Variants in FRMD8 observed in about 807,000 individuals in gnomAD.
FRMD8 encodes the protein FERM domain containing 8.
Under a neutral mutation model 54.2 loss-of-function variants are expected in FRMD8, and 37 were observed. The observed-to-expected ratio is 0.68, with a 90% CI of 0.53 to 0.90. The LOEUF is 0.90. Among genes scored for constraint, FRMD8 ranks in the 40% least tolerant of loss-of-function variants. The pLI, the probability that FRMD8 is intolerant of heterozygous loss-of-function variation, is 0.00. For missense variants in FRMD8, 585 were observed against 653.7 expected, an observed-to-expected ratio of 0.89 and a Z score of 1.15; for synonymous variants, 246 against 286.9, an observed-to-expected ratio of 0.86 and a Z score of 1.44.
chr11:65,393,607 G>A lies in FRMD8; in HGVS notation c.288G>A (p.Lys96=), dbSNP rs1374378196. 6.2e-7 allele frequency: 1 copy of A among 1,608,970 alleles called. No homozygotes were observed. Among genetic ancestry groups the A allele is most frequent in the Non-Finnish European group, 8.5e-7 (1 of 1,179,972 alleles). ...TGAAACCCAAGCACCAGCCCTACAA[G>A]CTGGGACGCCAGTGGCCGGAGCTGC... The part of the protein sequence containing the change: ...VQLKPKHQPY[K]LGRQWPELLL... The change falls in exon 4 of 11, where the codon AAG becomes AAA. Residue 96 remains lysine (K), a synonymous_variant. Coordinates refer to ENST00000317568, the MANE Select transcript of FRMD8 (RefSeq NM_031904.5).
Position 65,405,021 on chromosome 11 carries a change from T to C in FRMD8, c.1229T>C (p.Val410Ala). 6.2e-7 allele frequency: 1 copy of C among 1,613,364 alleles called. No homozygotes were observed. Among genetic ancestry groups the C allele is most frequent in the South Asian group, 1.1e-5 (1 of 91,088 alleles). ...RPKLRRQGSV[V>A]SSRIQHLSTI... ...AAGCTGCGGAGGCAGGGCAGTGTGGTGTCCAGCCGGATCCAGCATCTCTCC... is the reference window on the plus strand; with the variant it reads ...AAGCTGCGGAGGCAGGGCAGTGTGGCGTCCAGCCGGATCCAGCATCTCTCC... The change falls in exon 10 of 11, where the codon GTG (valine) becomes GCG (alanine). Residue 410 changes from valine to alanine, a missense_variant. By Grantham distance (64) the Val-to-Ala change is moderately conservative. Transcript: ENST00000317568.
the FRMD8 span, chr11:65,379,423 TG>T: frequency 6.2e-7 from 1 of 1,612,790 alleles, no homozygotes; most frequent in Non-Finnish European, 8.5e-7. Context: ...TGCATGTAGC[TG>T]GGCGGCTGGG....
At chr11:65,388,229 GGGA>G (rs1286178526) in intron 2 of FRMD8, among the ~76,000 whole-genome samples, 1 of 151,890 alleles carries the variant, frequency 6.6e-6, no homozygotes, top group Non-Finnish European at 1.5e-5. Context: ...CTGGGCCCTA[GGGA>G]GGTTAAGTCC....
At chr11:65,379,999 C>T in the FRMD8 span, 2 of 1,605,534 alleles carry the variant, frequency 1.2e-6, no homozygotes, top group Non-Finnish European at 8.5e-7. Context: ...ACCTTTCCCT[C>T]TGCCCCCTCA....
intron 10 of FRMD8, among the ~76,000 whole-genome samples, chr11:65,409,092 ATTT>A (rs1055337387): frequency 6.9e-6 from 1 of 145,500 alleles, no homozygotes; most frequent in Non-Finnish European, 1.5e-5. Flanking sequence ...GAGATTGGAA[ATTT>A]TTTTTTTTTT....
chr11:65,406,086 G>A (rs1215419104), intron 10 of FRMD8, among the ~76,000 whole-genome samples: 1 of 151,798 alleles, frequency 6.6e-6, no homozygotes, highest in Non-Finnish European at 1.5e-5. Flanking sequence ...GGAGTACAGT[G>A]GCATGATCTC....
At chr11:65,379,240 C>CAT in the FRMD8 span, 1 of 1,008,806 alleles carries the variant, frequency 9.9e-7, no homozygotes, top group Non-Finnish European at 1.5e-6. Flanking sequence ...CCTGGAAGGC[C>CAT]ATAGCACAGG....
the FRMD8 span, chr11:65,380,875 G>A: frequency 3.4e-6 from 1 of 298,212 alleles, no homozygotes. Context: ...GCCAGGTGGG[G>A]CAGAGGCCCA....
At chr11:65,377,396 G>C in the FRMD8 span, 1 of 1,210,012 alleles carries the variant, frequency 8.3e-7, no homozygotes, top group Non-Finnish European at 1.0e-6. Context: ...TTGGTTTCTG[G>C]CCTCCCTAAA....
Position 65,396,994 on chromosome 11 carries a change from C to T in FRMD8, c.777C>T (p.Leu259=), listed in dbSNP as rs1474738348. The change falls in exon 7 of 11, where the codon CTC becomes CTT. Residue 259 remains leucine (L), a synonymous_variant. Transcript: ENST00000317568. ...ALGTHYRAYL[L]KCHELPFYGC... Reference sequence around the variant, plus strand: ...GCACCCACTACCGCGCCTATCTCCTCAAGTGCCACGAGCTGCCGTTTTATG... The same window carrying T: ...GCACCCACTACCGCGCCTATCTCCTTAAGTGCCACGAGCTGCCGTTTTATG... 2 of 1,467,382 alleles carry T rather than the reference C, an allele frequency of 1.4e-6. No homozygotes were observed. 90.9% of individuals were successfully genotyped at this position (1,467,382 alleles called of 1,614,324 possible).
At chr11:65,391,195 CA>C (rs796723108) in intron 3 of FRMD8, among the ~76,000 whole-genome samples, 45 of 152,342 alleles carry the variant, frequency 3.0e-4, no homozygotes, top group African/African-American at 1.1e-3. Flanking sequence ...AACAGGGCTC[CA>C]GGGCCCTTCC....
At chr11:65,377,104 G>C in the FRMD8 span, 1 of 1,601,856 alleles carries the variant, frequency 6.2e-7, no homozygotes, top group South Asian at 1.1e-5. Context: ...TGAGGGCCCC[G>C]GGTGGGGCTT....
rs1294498385 is a variant in FRMD8 at position 65,404,239 on chromosome 11, C to T, written c.1072-625C>T. Among the ~76,000 whole-genome samples, 1 of 152,200 alleles carries T rather than the reference C, an allele frequency of 6.6e-6. No homozygotes were observed. The highest frequency in any genetic ancestry group is 1.5e-5 in the Non-Finnish European group (1 of 68,032). ...AGCAGTGCTTGGCACGTGGGAGGCA[C>T]TCAGGAAATACCTGTGTCCTAAGGG... On this transcript the variant is annotated intron_variant, in intron 9 of 10. Coordinates refer to ENST00000317568, the MANE Select transcript of FRMD8 (RefSeq NM_031904.5). The surrounding 1 kb of genome is among the most constrained non-coding windows in gnomAD (Gnocchi z 4.7).
In FRMD8 at chr11:65,411,424, G is replaced by A. The variant is rs537468013; in HGVS notation, c.*64G>A. 375 of 1,067,126 alleles carry A rather than the reference G, an allele frequency of 3.5e-4. No homozygotes were observed. The highest frequency in any genetic ancestry group is 9.4e-4 in the Middle Eastern group (3 of 3,178). 66.1% of individuals were successfully genotyped at this position (1,067,126 alleles called of 1,614,324 possible). A position where few individuals can be genotyped will look rare whatever the true frequency, so the allele number is the denominator to read the frequency against. On this transcript the variant is annotated 3_prime_UTR_variant, in exon 11 of 11. Coordinates refer to ENST00000317568, the MANE Select transcript of FRMD8 (RefSeq NM_031904.5). ...CTGGCCCGGCACTGTCCTCCTGAGG[G>A]GCAGGCGCCGGCTGCAACAGTCTCA...
At chr11:65,405,187 C>T in intron 10 of FRMD8, 119 bp downstream of exon 10, 2 of 955,938 alleles carry the variant, frequency 2.1e-6, no homozygotes, top group Non-Finnish European at 3.2e-6. Flanking sequence ...AGCTGGCCTC[C>T]ATCTCAGGAC....
chr11:65,379,037 G>T, the FRMD8 span: 2 of 320,238 alleles, frequency 6.2e-6, no homozygotes, highest in Non-Finnish European at 1.2e-5. Flanking sequence ...GGTTCTCCAG[G>T]GTCAAAGGTC....
At chr11:65,408,679 C>T (rs1856262167) in intron 10 of FRMD8, among the ~76,000 whole-genome samples, 1 of 151,746 alleles carries the variant, frequency 6.6e-6, no homozygotes, top group South Asian at 2.1e-4. Flanking sequence ...ATGGCCTAGT[C>T]AAGGCTCACT....
rs532621947 is a variant in FRMD8 at position 65,401,848 on chromosome 11, C to T, written c.1071+981C>T. The stretch of plus-strand genomic sequence containing the variant: ...TCTTTTTTTTTTTTTTTTTTTGAGA[C>T]GGAGACTGGTTTATGCTTTTTGTTT... On this transcript the variant is annotated intron_variant, in intron 9 of 10. Coordinates refer to ENST00000317568, the MANE Select transcript of FRMD8 (RefSeq NM_031904.5). 7.3e-3 allele frequency among the ~76,000 whole-genome samples: 927 copies of T among 127,530 alleles called. 9 individuals carry two copies. The highest frequency in any genetic ancestry group is 0.014 in the South Asian group (58 of 4,158). The allele number at this position is 127,530 out of a possible 152,430, so 83.7% of individuals were successfully genotyped here.
In FRMD8 at chr11:65,411,591, C is replaced by T; in HGVS notation, c.*231C>T. On this transcript the variant is annotated 3_prime_UTR_variant, in exon 11 of 11. Coordinates refer to ENST00000317568, the MANE Select transcript of FRMD8 (RefSeq NM_031904.5). ...TCCTCTGCAGCCTGCCCTCCCTTCC[C>T]CCGGATGCTGGGCCCTGCTGCTCTC... 1 of 422,464 alleles carries T rather than the reference C, an allele frequency of 2.4e-6. No individual in the cohort carries two copies. Among genetic ancestry groups the T allele is most frequent in the South Asian group, 4.6e-5 (1 of 21,872 alleles). 26.2% of individuals were successfully genotyped at this position (422,464 alleles called of 1,614,324 possible).
Sources: allele counts gnomAD v4.1 joint callset (sites outside exome capture counted in the v4.1 genomes callset), GRCh38; gene constraint gnomAD v4.1.1; non-coding constraint Gnocchi (gnomAD v3.1); transcripts MANE v1.5; gene names NCBI Gene and HGNC (gene_info 2026-07-23, HGNC 2026-07-21).